KCNA2: variants seen among roughly 807,000 people sequenced by gnomAD.
KCNA2 encodes the protein potassium voltage-gated channel subfamily A member 2.
Under a neutral mutation model 33.4 loss-of-function variants are expected in KCNA2, and 11 were observed. The observed-to-expected ratio is 0.33, with a 90% CI of 0.21 to 0.55. KCNA2 has a LOEUF of 0.55. Among genes scored for constraint, KCNA2 ranks in the 20% least tolerant of loss-of-function variants. KCNA2 has a pLI of 0.93. For synonymous variants in KCNA2, 222 were observed against 231.3 expected, an observed-to-expected ratio of 0.96 and a Z score of 0.37; for missense variants, 291 against 621.6, an observed-to-expected ratio of 0.47 and a Z score of 5.66.
In KCNA2 at chr1:110,593,771, G is replaced by A; in HGVS notation, c.*9512C>T. On this transcript the variant is annotated 3_prime_UTR_variant, in exon 3 of 3. Coordinates refer to ENST00000316361, the MANE Select transcript of KCNA2 (RefSeq NM_004974.4). ...TTGAGGCACATATGTACACATATAT[G>A]TATAACCTATGTACAAATATCAGAC... 8.2e-7 allele frequency: 1 copy of A among 1,219,190 alleles called. No homozygotes were observed. The highest frequency in any genetic ancestry group is 1.2e-6 in the Non-Finnish European group (1 of 869,278). 75.5% of individuals were successfully genotyped at this position (1,219,190 alleles called of 1,614,324 possible). A position where few individuals can be genotyped will look rare whatever the true frequency, so the allele number is the denominator to read the frequency against.
chr1:110,622,221 A>C (rs575396537), intron 1 of KCNA2, among the ~76,000 whole-genome samples: 3 of 152,316 alleles, frequency 2.0e-5, no homozygotes, highest in African/African-American at 7.2e-5. Flanking sequence ...AATTCACCAT[A>C]TGAAAAATAT....
rs902328550 is a variant in KCNA2 at position 110,596,263 on chromosome 1, C to T, written c.*7020G>A. The stretch of plus-strand genomic sequence containing the variant: ...TCCTTGGATTGCCAAATTTATTCCA[C>T]ATAAGTGAAACTAAGGAGATTGGTC... On this transcript the variant is annotated 3_prime_UTR_variant, in exon 3 of 3. Transcript: ENST00000316361. 17 of 982,376 alleles carry T rather than the reference C, an allele frequency of 1.7e-5. No homozygotes were observed. In the African/African-American group the frequency reaches 3.0e-4, roughly 17 times the overall value. The allele number at this position is 982,376 out of a possible 1,614,324, so 60.9% of individuals were successfully genotyped here.
rs1480276385 is a variant in KCNA2, at chr1:110,603,086, G to A, written c.*197C>T. The A allele has an allele frequency of 7.1e-7, 1 of 1,415,182 alleles. No individual in the cohort carries two copies. The highest frequency in any genetic ancestry group is 9.2e-7 in the Non-Finnish European group (1 of 1,092,466). 87.7% of individuals were successfully genotyped at this position (1,415,182 alleles called of 1,614,324 possible). On this transcript the variant is annotated 3_prime_UTR_variant, in exon 3 of 3. Transcript: ENST00000316361. The surrounding 1 kb of genome is among the most constrained non-coding windows in gnomAD (Gnocchi z 5.7). ...CGTCTTTGGAAGTTCATAAGCCGGT[G>A]ATGAGGATGTGCATGAAAGCCATGA...
At chr1:110,630,681 A>C (rs2101478204) in intron 1 of KCNA2, among the ~76,000 whole-genome samples, 1 of 152,350 alleles carries the variant, frequency 6.6e-6, no homozygotes, top group East Asian at 1.9e-4. Flanking sequence ...AATTGAGAAA[A>C]ACAACAGACA....
intron 1 of KCNA2, among the ~76,000 whole-genome samples, chr1:110,627,281 T>C (rs970880243): frequency 6.6e-6 from 1 of 152,188 alleles, no homozygotes; most frequent in Non-Finnish European, 1.5e-5. Context: ...GTTTATTTCA[T>C]GGAGTTGTTC....
rs749387373 is a variant in KCNA2, at chr1:110,596,847, T to C, written c.*6436A>G. ...CTGTACATATGTGTATAGAGCAAGG[T>C]AGATCAAAAAAGGATGGAATGGGAC... On this transcript the variant is annotated 3_prime_UTR_variant, in exon 3 of 3. Coordinates refer to ENST00000316361, the MANE Select transcript of KCNA2 (RefSeq NM_004974.4). 71 of 985,216 alleles carry C rather than the reference T, an allele frequency of 7.2e-5. No individual in the cohort carries two copies. The highest frequency in any genetic ancestry group is 8.1e-5 in the Non-Finnish European group (67 of 829,920). 61.0% of individuals were successfully genotyped at this position (985,216 alleles called of 1,614,324 possible).
At position 110,604,827 on chromosome 1, in the gene KCNA2, C is replaced by T; in HGVS notation, c.-45G>A. The T allele has an allele frequency of 6.5e-7, 1 of 1,549,002 alleles. No individual in the cohort carries two copies. The highest frequency in any genetic ancestry group is 2.3e-5 in the East Asian group (1 of 44,396). The stretch of plus-strand genomic sequence containing the variant: ...ACCTCACGCTATGCCTTTCAGCTGC[C>T]TGGTGGCAGGGAGCTCAGGGTGCTG... On this transcript the variant is annotated 5_prime_UTR_variant, in exon 3 of 3. Coordinates refer to ENST00000316361, the MANE Select transcript of KCNA2 (RefSeq NM_004974.4). The surrounding 1 kb of genome is among the most constrained non-coding windows in gnomAD (Gnocchi z 7.6).
At position 110,600,949 on chromosome 1, in the gene KCNA2, G is replaced by A; in HGVS notation, c.*2334C>T. 1 of 985,462 alleles carries A rather than the reference G, an allele frequency of 1.0e-6. No individual in the cohort carries two copies. The highest frequency in any genetic ancestry group is 1.2e-6 in the Non-Finnish European group (1 of 829,968). 61.0% of individuals were successfully genotyped at this position (985,462 alleles called of 1,614,324 possible). A position where few individuals can be genotyped will look rare whatever the true frequency, so the allele number is the denominator to read the frequency against. On this transcript the variant is annotated 3_prime_UTR_variant, in exon 3 of 3. Coordinates refer to ENST00000316361, the MANE Select transcript of KCNA2 (RefSeq NM_004974.4). ...TGAGGCCTGGGCTGGAGCCACCCCTGCATAGCCCGACCCCTGCAATTCACT... is the reference window on the plus strand; with the variant it reads ...TGAGGCCTGGGCTGGAGCCACCCCTACATAGCCCGACCCCTGCAATTCACT...
chr1:110,616,963 A>C (rs745994040), intron 1 of KCNA2, among the ~76,000 whole-genome samples: 7 of 152,270 alleles, frequency 4.6e-5, no homozygotes, highest in Non-Finnish European at 8.8e-5. Flanking sequence ...ACCTAAGAAG[A>C]GGAAAGCCTT....
chr1:110,602,278 G>GAAAAAAAAAAAA lies in KCNA2; in HGVS notation c.*1004_*1005insTTTTTTTTTTTT. The GAAAAAAAAAAAA allele has an allele frequency of 6.7e-7, 1 of 1,496,292 alleles. No homozygotes were observed. The highest frequency in any genetic ancestry group is 2.2e-5 in the Admixed American group (1 of 44,716). 92.7% of individuals were successfully genotyped at this position (1,496,292 alleles called of 1,614,324 possible). On this transcript the variant is annotated 3_prime_UTR_variant, in exon 3 of 3. Coordinates refer to ENST00000316361, the MANE Select transcript of KCNA2 (RefSeq NM_004974.4). ...TGGAGGGATTTTTGCCTTCTGATGG[G>GAAAAAAAAAAAA]AAAAAAACCCCTAGTTCAAGACCAT...
chr1:110,599,641 C>T lies in KCNA2; in HGVS notation c.*3642G>A. The stretch of plus-strand genomic sequence containing the variant: ...CTTCCTGACCGTGCCCCCAACAAAG[C>T]TGCAAAGGATGGAAGGGCAATAAAA... On this transcript the variant is annotated 3_prime_UTR_variant, in exon 3 of 3. Coordinates refer to ENST00000316361, the MANE Select transcript of KCNA2 (RefSeq NM_004974.4). 2.0e-6 allele frequency: 2 copies of T among 985,422 alleles called. No homozygotes were observed. Among genetic ancestry groups the T allele is most frequent in the Non-Finnish European group, 2.4e-6 (2 of 829,942 alleles). The allele number at this position is 985,422 out of a possible 1,614,324, so 61.0% of individuals were successfully genotyped here.
chr1:110,619,894 T>C (rs1650194797), intron 1 of KCNA2, among the ~76,000 whole-genome samples: 1 of 149,076 alleles, frequency 6.7e-6, no homozygotes, highest in Non-Finnish European at 1.5e-5. Context: ...CCTGACAAAC[T>C]CCTCAGCCCT....
At chr1:110,608,886 C>T (rs554908823), upstream of KCNA2, among the ~76,000 whole-genome samples, 3 of 152,174 alleles carry the variant, frequency 2.0e-5, no homozygotes, top group South Asian at 6.2e-4. Flanking sequence ...ATCCAGCAGA[C>T]ACTGAATGCA....
Position 110,601,071 on chromosome 1 carries a change from G to A in KCNA2, c.*2212C>T. 3.2e-5 allele frequency: 32 copies of A among 985,436 alleles called. No individual in the cohort carries two copies. Among genetic ancestry groups the A allele is most frequent in the Non-Finnish European group, 3.7e-5 (31 of 829,944 alleles). 61.0% of individuals were successfully genotyped at this position (985,436 alleles called of 1,614,324 possible). A position where few individuals can be genotyped will look rare whatever the true frequency, so the allele number is the denominator to read the frequency against. ...GAAGCCATTTCAGGGTCAACCTACT[G>A]TCTACCTTTAGGCTGTGCAGTGCTC... On this transcript the variant is annotated 3_prime_UTR_variant, in exon 3 of 3. Transcript: ENST00000316361.
Position 110,600,398 on chromosome 1 carries a change from T to C in KCNA2, c.*2885A>G, listed in dbSNP as rs1649285660. On this transcript the variant is annotated 3_prime_UTR_variant, in exon 3 of 3. Coordinates refer to ENST00000316361, the MANE Select transcript of KCNA2 (RefSeq NM_004974.4). ...ATGTATTTTGCATCTGAGTTTCAGG[T>C]TGTATATTTGTATGTGGTGTATGTT... is the stretch of plus-strand genomic sequence containing the variant. 1 of 984,712 alleles carries C rather than the reference T, an allele frequency of 1.0e-6. No individual in the cohort carries two copies. The highest frequency in any genetic ancestry group is 4.7e-5 in the South Asian group (1 of 21,216). The allele number at this position is 984,712 out of a possible 1,614,324, so 61.0% of individuals were successfully genotyped here.
chr1:110,593,891 T>C lies in KCNA2; in HGVS notation c.*9392A>G, dbSNP rs1433358608. On this transcript the variant is annotated 3_prime_UTR_variant, in exon 3 of 3. Coordinates refer to ENST00000316361, the MANE Select transcript of KCNA2 (RefSeq NM_004974.4). ...CAGAATATGTCAGCAAGAATGATAA[T>C]ATCAATACATCCTGTGCAATGTAGT... The C allele has an allele frequency of 6.5e-7, 1 of 1,549,994 alleles. No individual in the cohort carries two copies. Among genetic ancestry groups the C allele is most frequent in the South Asian group, 1.2e-5 (1 of 83,886 alleles).
rs1570753862 is a variant in KCNA2 at position 110,604,499 on chromosome 1, CCT to C, written c.282_283del (p.Gly96ProfsTer15). 1 of 1,614,214 alleles carries C rather than the reference CCT, an allele frequency of 6.2e-7. No individual in the cohort carries two copies. Among genetic ancestry groups the C allele is most frequent in the Non-Finnish European group, 8.5e-7 (1 of 1,180,028 alleles). On this transcript the variant is annotated frameshift_variant, in exon 3 of 3. Coordinates refer to ENST00000316361, the MANE Select transcript of KCNA2 (RefSeq NM_004974.4). LOFTEE classifies it high-confidence loss of function. This position sits in a 1 kb window ranked among gnomAD's most constrained non-coding sequence, Gnocchi z 7.6. Reference sequence around the variant, plus strand: ...ATTCACAGGTCGCCTCAATCGGCCCCCTGACTGGTAGTAGTACAAAATGGCAT... The same window carrying C: ...ATTCACAGGTCGCCTCAATCGGCCCCGACTGGTAGTAGTACAAAATGGCAT...
chr1:110,617,153 G>A (rs373645689), intron 1 of KCNA2, among the ~76,000 whole-genome samples: 2 of 152,340 alleles, frequency 1.3e-5, no homozygotes, highest in East Asian at 3.9e-4. Context: ...CACACTGTGT[G>A]AGGAGGGATT....
chr1:110,614,270 A>G (rs1417478687), intron 1 of KCNA2, among the ~76,000 whole-genome samples: 2 of 152,186 alleles, frequency 1.3e-5, no homozygotes, highest in Admixed American at 6.5e-5. Context: ...GAAGTTTTCT[A>G]ACTTCAAAGT....
Sources: allele counts gnomAD v4.1 joint callset (sites outside exome capture counted in the v4.1 genomes callset), GRCh38; gene constraint gnomAD v4.1.1; non-coding constraint Gnocchi (gnomAD v3.1); transcripts MANE v1.5; gene names NCBI Gene and HGNC (gene_info 2026-07-23, HGNC 2026-07-21).